The following COL18A1 variants were observed in gnomAD, a reference collection of about 807,000 sequenced individuals.
COL18A1 encodes the protein collagen type XVIII alpha 1 chain, also known as collagen alpha-1(XVIII) chain.
Under a neutral mutation model 168.0 loss-of-function variants are expected in COL18A1, and 133 were observed. That is an observed-to-expected ratio of 0.79 (90% confidence interval 0.69 to 0.91). The LOEUF is 0.91. Among genes scored for constraint, COL18A1 ranks in the 40% least tolerant of loss-of-function variants. The pLI, the probability that COL18A1 is intolerant of heterozygous loss-of-function variation, is 0.00. For synonymous variants in COL18A1, 949 were observed against 809.0 expected (o/e 1.17, Z -2.94); for missense variants, 2,126 against 1,925.4 (o/e 1.10, Z -1.95).
At chr21:45,461,917 G>A (rs538688630) in intron 2 of COL18A1, among the ~76,000 whole-genome samples, 2 of 152,230 alleles carry the variant, frequency 1.3e-5, no homozygotes, top group Admixed American at 1.3e-4. Flanking sequence ...CATTTTACCT[G>A]CTGGACTCCC....
chr21:45,480,925 C>T, intron 13 of COL18A1, 67 bp downstream of exon 13: 3 of 1,541,618 alleles, frequency 1.9e-6, no homozygotes, highest in Middle Eastern at 2.0e-4. Context: ...GAACACCCCA[C>T]ATGGGAGCCC....
intron 2 of COL18A1, among the ~76,000 whole-genome samples, chr21:45,411,778 A>AGGGGGGGGGGGGGGGGGGGGGGGGG (rs1569273645): frequency 9.2e-6 from 1 of 108,298 alleles, no homozygotes; most frequent in Admixed American, 1.1e-4. Context: ...GGGGGGGGGC[A>AGGGGGGGGGGGGGGGGGGGGGGGGG]GGCTGTGGTC....
At chr21:45,467,992 T>TCCTGCAGACACCATGTCC (rs1158588998) in intron 2 of COL18A1, among the ~76,000 whole-genome samples, 2 of 152,132 alleles carry the variant, frequency 1.3e-5, no homozygotes, top group South Asian at 2.1e-4. Context: ...ACACCATGTC[T>TCCTGCAGACACCATGTCC]CCTGCAGACA....
At chr21:45,424,203 C>G (rs945896682) in intron 2 of COL18A1, 3 of 152,316 alleles carry the variant, frequency 2.0e-5, no homozygotes, top group African/African-American at 7.2e-5. Context: ...GACACCTTCT[C>G]AGGTGGAGGA....
intron 40 of COL18A1, 37 bp from the exon 41 acceptor site, chr21:45,511,071 CCCA>C: frequency 1.1e-6 from 1 of 949,072 alleles, no homozygotes; most frequent in Non-Finnish European, 1.5e-6. Flanking sequence ...CATCCACACC[CCCA>C]CACACCACAC....
At chr21:45,477,628 C>T (rs1019560492) in intron 7 of COL18A1, 122 bp from the exon 8 acceptor site, 4 of 1,256,412 alleles carry the variant, frequency 3.2e-6, no homozygotes, top group Non-Finnish European at 3.4e-6. Flanking sequence ...AGCATGCGTC[C>T]ACCCTGCGTG....
intron 27 of COL18A1, 124 bp downstream of exon 27, chr21:45,494,695 A>G: frequency 1.0e-5 from 15 of 1,461,912 alleles, no homozygotes; most frequent in Non-Finnish European, 1.3e-5. Flanking sequence ...TGCAGTTTTA[A>G]AGCGTGTGGG....
intron 2 of COL18A1, among the ~76,000 whole-genome samples, chr21:45,464,391 G>T (rs2035134241): frequency 6.6e-6 from 1 of 152,210 alleles, no homozygotes; most frequent in South Asian, 2.1e-4. Flanking sequence ...ACACATGAGA[G>T]GGTGGAACAG....
Position 45,456,736 on chromosome 21 carries a change from G to T in COL18A1, c.107-11506G>T, listed in dbSNP as rs1014877461. Reference sequence around the variant, plus strand: ...TCCCCCCATGCGGCAGCGTCCCGCCGCCCGCCCCGCCACCCTGCTGCCAGT... The same window carrying T: ...TCCCCCCATGCGGCAGCGTCCCGCCTCCCGCCCCGCCACCCTGCTGCCAGT... On this transcript the variant is annotated intron_variant, in intron 2 of 41. Transcript: ENST00000651438. The T allele has an allele frequency of 5.9e-6, 9 of 1,515,872 alleles. No individual in the cohort carries two copies. In the South Asian group the frequency reaches 1.1e-4, roughly 18 times the overall value. 93.9% of individuals were successfully genotyped at this position (1,515,872 alleles called of 1,614,324 possible). A position where few individuals can be genotyped will look rare whatever the true frequency, so the allele number is the denominator to read the frequency against.
chr21:45,435,163 C>T (rs575954143), intron 2 of COL18A1, among the ~76,000 whole-genome samples: 11 of 142,100 alleles, frequency 7.7e-5, no homozygotes, highest in East Asian at 2.3e-4. Context: ...ATAGGGATGC[C>T]GGGATGCCGC....
chr21:45,488,018 A>G (rs144995845), intron 17 of COL18A1, among the ~76,000 whole-genome samples: 1 of 152,110 alleles, frequency 6.6e-6, no homozygotes, highest in East Asian at 1.9e-4. Context: ...AGGGGCCACA[A>G]GCTCCTTCCT....
intron 2 of COL18A1, among the ~76,000 whole-genome samples, chr21:45,466,115 G>A (rs141989777): frequency 2.0e-4 from 30 of 152,272 alleles, no homozygotes; most frequent in Non-Finnish European, 3.5e-4. Context: ...GGGAGAGGGC[G>A]CTTTGGCTCA....
intron 2 of COL18A1, among the ~76,000 whole-genome samples, chr21:45,410,244 G>A (rs765323569): frequency 1.6e-5 from 2 of 126,764 alleles, no homozygotes; most frequent in Non-Finnish European, 3.3e-5. Flanking sequence ...GGGTCACCTC[G>A]CCACCTCGGG....
At chr21:45,452,478 TG>T (rs754089910) in intron 2 of COL18A1, among the ~76,000 whole-genome samples, 3,493 of 151,042 alleles carry the variant, frequency 0.023, 57 homozygotes, top group Middle Eastern at 0.061. Context: ...TATGTACGTG[TG>T]TGTTTCTGTA....
rs754936826 is a variant in COL18A1, at chr21:45,497,074, G to A, written c.2602G>A (p.Gly868Arg). ...SNVFAESSRP[G>R]PPGLPGNQGP... is the part of the protein sequence containing the mutation. ...GGTGTTTGCTGAGTCCAGCCGCCCC[G>A]GGCCTCCAGGATTGCCAGGTGAGGG... The change falls in exon 31 of 42, where the codon GGG (glycine) becomes AGG (arginine). Residue 868 changes from glycine (G) to arginine (R), a missense_variant. Transcript: ENST00000651438. 4.7e-5 allele frequency: 75 copies of A among 1,599,762 alleles called. No individual in the cohort carries two copies. Among genetic ancestry groups the A allele is most frequent in the African/African-American group, 8.0e-5 (6 of 74,758 alleles).
chr21:45,480,164 C>T lies in COL18A1; in HGVS notation c.1398+8C>T. The T allele has an allele frequency of 6.6e-7, 1 of 1,514,372 alleles. No homozygotes were observed. The highest frequency in any genetic ancestry group is 9.1e-7 in the Non-Finnish European group (1 of 1,093,650). The allele number at this position is 1,514,372 out of a possible 1,614,324, so 93.8% of individuals were successfully genotyped here. ...TTCAGACACGACAAGCTGGTAAGTC[C>T]CGCCCTTGGCTTCCTGCGACCCGGG... On this transcript the variant is annotated splice_region_variant and intron_variant, in intron 11 of 41. Transcript: ENST00000651438.
rs922668474 is a variant in COL18A1, at chr21:45,471,682, C to T, written c.652-2213C>T. 3.9e-5 allele frequency among the ~76,000 whole-genome samples: 6 copies of T among 152,172 alleles called. No homozygotes were observed. The highest frequency in any genetic ancestry group is 5.9e-5 in the Non-Finnish European group (4 of 68,032). ...GTCGTCTCCCGGGAAATCATGCACC[C>T]CTCCCAGCTGCTGCCGTTGCCTTGA... is the stretch of plus-strand genomic sequence containing the variant. On this transcript the variant is annotated intron_variant, in intron 3 of 41. Coordinates refer to ENST00000651438, the MANE Select transcript of COL18A1 (RefSeq NM_001379500.1). This position sits in a 1 kb window ranked among gnomAD's most constrained non-coding sequence, Gnocchi z 4.4.
intron 32 of COL18A1, among the ~76,000 whole-genome samples, chr21:45,499,352 G>C (rs8128660): frequency 0.11 from 16,544 of 149,752 alleles, 1,236 homozygotes; most frequent in Admixed American, 0.15. Flanking sequence ...GCGTCCCAGC[G>C]ACAGGGAGGT....
chr21:45,492,718 G>C lies in COL18A1; in HGVS notation c.2214+5G>C. 6.2e-7 allele frequency: 1 copy of C among 1,605,868 alleles called. No homozygotes were observed. Among genetic ancestry groups the C allele is most frequent in the Non-Finnish European group, 8.5e-7 (1 of 1,176,818 alleles). ...CCGGGTTTCGCAGGCTTTCCCGTGA[G>C]TAACCTGGTGCCAGAGCTGCATGCT... On this transcript the variant is annotated splice_donor_5th_base_variant and intron_variant, in intron 24 of 41. Transcript: ENST00000651438.
Sources: gnomAD v4.1 joint callset for allele counts (sites outside exome capture counted in the v4.1 genomes callset) on GRCh38, gnomAD v4.1.1 for gene constraint, Gnocchi (gnomAD v3.1) non-coding constraint, MANE v1.5 for transcripts, NCBI Gene and HGNC (gene_info 2026-07-23, HGNC 2026-07-21) for gene names.